The following ZNF468 variants were observed in gnomAD, a reference collection of about 807,000 sequenced individuals.
The protein encoded by ZNF468 is zinc finger protein 468, also known as zinc finger protein ZNF468.
ZNF468 carries 8 observed loss-of-function variants against 7.2 expected under a neutral mutation model. The observed-to-expected ratio is 1.11, with a 90% confidence interval of 0.65 to 2.01. The LOEUF is 2.01. ZNF468 is among the 30% of genes most tolerant of loss of function. The pLI, the probability that ZNF468 is intolerant of heterozygous loss-of-function variation, is 0.00. For missense variants in ZNF468, 608 were observed against 626.5 expected, an observed-to-expected ratio of 0.97 and a Z score of 0.31; for synonymous variants, 218 against 214.4, an observed-to-expected ratio of 1.02 and a Z score of -0.15.
chr19:52,850,960 A>T lies in ZNF468; in HGVS notation c.16-1747T>A, dbSNP rs1600529383. ...ACACACACATCATGTGATGATAAAT[A>T]TAACAATATATATTTAATAATAATT... is the stretch of plus-strand genomic sequence containing the variant. On this transcript the variant is annotated intron_variant, in intron 2 of 3. Transcript: ENST00000595646. Among the ~76,000 whole-genome samples the T allele has an allele frequency of 2.6e-5, 4 of 151,780 alleles. No individual in the cohort carries two copies. The East Asian group carries it at 5.8e-4, about 22-fold the overall frequency.
In ZNF468 at chr19:52,840,570, T is replaced by A. The variant is rs2063286281; in HGVS notation, c.*155A>T. 4 of 1,381,114 alleles carry A rather than the reference T, an allele frequency of 2.9e-6. No individual in the cohort carries two copies. Among genetic ancestry groups the A allele is most frequent in the Non-Finnish European group, 4.1e-6 (4 of 974,986 alleles). 85.6% of individuals were successfully genotyped at this position (1,381,114 alleles called of 1,614,324 possible). Reference sequence around the variant, plus strand: ...ATTCCTCCCATTTGTAAGGTTTCTCTCCAGTATGAAGTCTATGGTGATGTG... The same window carrying A: ...ATTCCTCCCATTTGTAAGGTTTCTCACCAGTATGAAGTCTATGGTGATGTG... On this transcript the variant is annotated 3_prime_UTR_variant, in exon 4 of 4. Transcript: ENST00000595646.
chr19:52,849,347 C>T, intron 2 of ZNF468, 134 bp from the exon 3 acceptor site: 1 of 1,519,792 alleles, frequency 6.6e-7, no homozygotes, highest in Non-Finnish European at 8.9e-7. Context: ...TAAGGGATTT[C>T]TCACTACATG....
chr19:52,842,219 A>G, intron 3 of ZNF468, 68 bp from the exon 4 acceptor site: 1 of 1,315,656 alleles, frequency 7.6e-7, no homozygotes, highest in Non-Finnish European at 1.0e-6. Context: ...AAATGTGTAA[A>G]TATCACAGAA....
Position 52,840,556 on chromosome 19 carries a change from T to C in ZNF468, c.*169A>G. On this transcript the variant is annotated 3_prime_UTR_variant, in exon 4 of 4. Transcript: ENST00000595646. ...AAAACTTTTGTCACATTCCTCCCAT[T>C]TGTAAGGTTTCTCTCCAGTATGAAG... The C allele has an allele frequency of 7.6e-7, 1 of 1,317,738 alleles. No individual in the cohort carries two copies. The highest frequency in any genetic ancestry group is 2.3e-5 in the East Asian group (1 of 43,280). The allele number at this position is 1,317,738 out of a possible 1,614,324, so 81.6% of individuals were successfully genotyped here. A position where few individuals can be genotyped will look rare whatever the true frequency, so the allele number is the denominator to read the frequency against.
chr19:52,847,728 C>T (rs1331534676), intron 3 of ZNF468, among the ~76,000 whole-genome samples: 1 of 151,648 alleles, frequency 6.6e-6, no homozygotes, highest in Non-Finnish European at 1.5e-5. Flanking sequence ...AGCCTACGTG[C>T]ACATCCAGAC....
In ZNF468 at chr19:52,854,104, G is replaced by T. The variant is rs577679588; in HGVS notation, c.15+154C>A. Reference sequence around the variant, plus strand: ...TCATGACACTGGGTCACGAGAGACGGAACCTAAGCGAGATGAGAGGGACTG... The same window carrying T: ...TCATGACACTGGGTCACGAGAGACGTAACCTAAGCGAGATGAGAGGGACTG... On this transcript the variant is annotated intron_variant, in intron 2 of 3. Transcript: ENST00000595646. 2.2e-5 allele frequency: 35 copies of T among 1,559,678 alleles called. No homozygotes were observed. The African/African-American group carries it at 4.5e-4, about 20-fold the overall frequency.
At chr19:52,855,279 G>A (rs2063427444) in intron 1 of ZNF468, among the ~76,000 whole-genome samples, 1 of 152,214 alleles carries the variant, frequency 6.6e-6, no homozygotes, top group Non-Finnish European at 1.5e-5. Context: ...TTCAGATGGG[G>A]GTGGGAGGGC....
chr19:52,852,838 A>C lies in ZNF468; in HGVS notation c.15+1420T>G, dbSNP rs1011484425. On this transcript the variant is annotated intron_variant, in intron 2 of 3. Coordinates refer to ENST00000595646, the MANE Select transcript of ZNF468 (RefSeq NM_001008801.2). ...AAAGTAAAGTAAAAAAATATATAAA[A>C]TTTTTTTTTAATTTACAATGGAATT... Among the ~76,000 whole-genome samples the C allele has an allele frequency of 3.4e-5, 5 of 146,758 alleles. No homozygotes were observed. The East Asian group carries it at 1.0e-3, about 30-fold the overall frequency.
Position 52,840,015 on chromosome 19 carries a change from T to C in ZNF468, c.*710A>G. The C allele has an allele frequency of 1.5e-6, 2 of 1,314,180 alleles. No homozygotes were observed. Among genetic ancestry groups the C allele is most frequent in the Non-Finnish European group, 2.0e-6 (2 of 985,096 alleles). The allele number at this position is 1,314,180 out of a possible 1,614,324, so 81.4% of individuals were successfully genotyped here. On this transcript the variant is annotated 3_prime_UTR_variant, in exon 4 of 4. Transcript: ENST00000595646. ...TAAGTGGTGACTGCCCACTAAAGGG[T>C]TTGCCACACTCATTGCACTTGTAAG...
Position 52,839,585 on chromosome 19 carries a change from T to G in ZNF468, c.*1140A>C. ...TCTGATGGTCTGCAAGGAGTGACCT[T>G]GGACTGAAGACCCTTCCACACTGAT... On this transcript the variant is annotated 3_prime_UTR_variant, in exon 4 of 4. Transcript: ENST00000595646. 1 of 542,536 alleles carries G rather than the reference T, an allele frequency of 1.8e-6. No individual in the cohort carries two copies. The allele number at this position is 542,536 out of a possible 1,614,324, so 33.6% of individuals were successfully genotyped here.
Position 52,842,657 on chromosome 19 carries a change from A to G in ZNF468, c.143-506T>C, listed in dbSNP as rs575460193. Among the ~76,000 whole-genome samples, 342 of 151,942 alleles carry G rather than the reference A, an allele frequency of 2.3e-3. 1 individual carries two copies. The highest frequency in any genetic ancestry group is 8.0e-3 in the African/African-American group (333 of 41,412). ...CACAGCACTGACAAGATAACAGAAG[A>G]TTACAAAAATTAGCCAGGTGTGGTG... On this transcript the variant is annotated intron_variant, in intron 3 of 3. Coordinates refer to ENST00000595646, the MANE Select transcript of ZNF468 (RefSeq NM_001008801.2).
At chr19:52,845,381 G>A (rs527283880) in intron 3 of ZNF468, 3 of 151,764 alleles carry the variant, frequency 2.0e-5, no homozygotes, top group African/African-American at 7.2e-5. Flanking sequence ...TCCAGACAGG[G>A]TGCGGTGGCT....
At position 52,838,954 on chromosome 19, in the gene ZNF468, TAAAG is replaced by T. The variant is rs1376154176; in HGVS notation, c.*1767_*1770del. 1 of 152,138 alleles carries T rather than the reference TAAAG, an allele frequency of 6.6e-6. No homozygotes were observed. The allele number at this position is 152,138 out of a possible 1,614,324, so 9.4% of individuals were successfully genotyped here. On this transcript the variant is annotated 3_prime_UTR_variant, in exon 4 of 4. Coordinates refer to ENST00000595646, the MANE Select transcript of ZNF468 (RefSeq NM_001008801.2). ...CATAGAAGTCTCTATAACTTTTTGT[TAAAG>T]AAACAAAAAACAGGCCAGGCACAGT...
chr19:52,838,554 T>C lies in ZNF468; in HGVS notation c.*2171A>G, dbSNP rs1394794288. 2.0e-5 allele frequency: 3 copies of C among 152,162 alleles called. No individual in the cohort carries two copies. Among genetic ancestry groups the C allele is most frequent in the Admixed American group, 6.5e-5 (1 of 15,276 alleles). 9.4% of individuals were successfully genotyped at this position (152,162 alleles called of 1,614,324 possible). A position where few individuals can be genotyped will look rare whatever the true frequency, so the allele number is the denominator to read the frequency against. On this transcript the variant is annotated 3_prime_UTR_variant, in exon 4 of 4. Coordinates refer to ENST00000595646, the MANE Select transcript of ZNF468 (RefSeq NM_001008801.2). The stretch of plus-strand genomic sequence containing the variant: ...AAATCAGAAAGAAAGAAGTCAAATT[T>C]TATTTGTTTGTAGATGACATGACCT...
Position 52,855,236 on chromosome 19 carries a change from G to C in ZNF468, c.-73-891C>G, listed in dbSNP as rs569160870. Among the ~76,000 whole-genome samples, 3 of 147,662 alleles carry C rather than the reference G, an allele frequency of 2.0e-5. No individual in the cohort carries two copies. In the East Asian group the frequency reaches 6.5e-4, roughly 32 times the overall value. On this transcript the variant is annotated intron_variant, in intron 1 of 3. Transcript: ENST00000595646. ...TTGACACAGAGATAAGAAGACTTGA[G>C]TAATGCCATAGACACTGATGGGTAG...
chr19:52,852,651 G>C (rs373645033), intron 2 of ZNF468, among the ~76,000 whole-genome samples: 4 of 151,702 alleles, frequency 2.6e-5, no homozygotes, highest in Non-Finnish European at 4.4e-5. Context: ...ACTCCAGCCT[G>C]GGTGACAGAG....
At chr19:52,844,818 G>A (rs2063330176) in intron 3 of ZNF468, among the ~76,000 whole-genome samples, 1 of 152,000 alleles carries the variant, frequency 6.6e-6, no homozygotes, top group African/African-American at 2.4e-5. Flanking sequence ...GGATTAGAGG[G>A]GTGAGCCACC....
In ZNF468 at chr19:52,840,378, A is replaced by G. The variant is rs375203920; in HGVS notation, c.*347T>C. On this transcript the variant is annotated 3_prime_UTR_variant, in exon 4 of 4. Transcript: ENST00000595646. Reference sequence around the variant, plus strand: ...TTTGACCAACGGTCTTGCCACACTCATTACACTTATAATGAGTTTCTCTCC... The same window carrying G: ...TTTGACCAACGGTCTTGCCACACTCGTTACACTTATAATGAGTTTCTCTCC... 7.5e-5 allele frequency: 39 copies of G among 519,818 alleles called. 1 individual carries two copies. The East Asian group carries it at 1.4e-3, about 19-fold the overall frequency. The allele number at this position is 519,818 out of a possible 1,614,324, so 32.2% of individuals were successfully genotyped here.
chr19:52,841,178 G>A lies in ZNF468; in HGVS notation c.1116C>T (p.Arg372=). Residue 372 remains arginine, a synonymous_variant, in exon 4 of 4, where the codon CGC becomes CGT. Coordinates refer to ENST00000595646, the MANE Select transcript of ZNF468 (RefSeq NM_001008801.2). ...TCTCTCCAGTATGAAGTCTATGATG[G>A]CGTGCAAGGGTTGATAGTCGATTAA... ...KVFNRLSTLA[R]HHRLHTGEKP... The A allele has an allele frequency of 6.2e-7, 1 of 1,610,422 alleles. No homozygotes were observed. The highest frequency in any genetic ancestry group is 8.5e-7 in the Non-Finnish European group (1 of 1,179,004).
Sources: allele counts gnomAD v4.1 joint callset (sites outside exome capture counted in the v4.1 genomes callset), GRCh38; gene constraint gnomAD v4.1.1; transcripts MANE v1.5; gene names NCBI Gene and HGNC (gene_info 2026-07-23, HGNC 2026-07-21).